The following PGCKA1 variants were observed in gnomAD, a reference collection of about 807,000 sequenced individuals.
PGCKA1 encodes PDCD10 and GCKIII kinases associated 1.
At chr4:37,573,505 C>A in the PGCKA1 span, among the ~76,000 whole-genome samples, 23 of 152,222 alleles carry the variant, frequency 1.5e-4, no homozygotes, top group South Asian at 4.6e-3. Context: ...CCACTGTTAA[C>A]CCTTCTCTCT....
chr4:37,544,435 C>T, the PGCKA1 span, among the ~76,000 whole-genome samples: 5 of 151,604 alleles, frequency 3.3e-5, no homozygotes, highest in East Asian at 9.7e-4. Flanking sequence ...AATTCCTTCC[C>T]TTCTTTTGTT....
the PGCKA1 span, among the ~76,000 whole-genome samples, chr4:37,547,753 G>A: frequency 6.6e-6 from 1 of 152,140 alleles, no homozygotes; most frequent in Non-Finnish European, 1.5e-5. Flanking sequence ...GCAGAGGCAA[G>A]GAAAGACCAG....
At chr4:37,503,252 AG>A in the PGCKA1 span, among the ~76,000 whole-genome samples, 1 of 152,170 alleles carries the variant, frequency 6.6e-6, no homozygotes, top group African/African-American at 2.4e-5. Flanking sequence ...ATTGGAAGCC[AG>A]GAAGGAGTCA....
At chr4:37,496,019 C>T in the PGCKA1 span, among the ~76,000 whole-genome samples, 2 of 151,818 alleles carry the variant, frequency 1.3e-5, no homozygotes, top group African/African-American at 2.4e-5. Context: ...TTTTTTTTAC[C>T]TGGTGTTCTA....
At chr4:37,549,802 G>A in the PGCKA1 span, among the ~76,000 whole-genome samples, 1 of 151,736 alleles carries the variant, frequency 6.6e-6, no homozygotes, top group African/African-American at 2.4e-5. Context: ...TACATGGATG[G>A]GAGCAGCTTC....
At chr4:37,461,522 G>A in the PGCKA1 span, among the ~76,000 whole-genome samples, 1 of 151,942 alleles carries the variant, frequency 6.6e-6, no homozygotes, top group African/African-American at 2.4e-5. Flanking sequence ...TCTTCTTGAA[G>A]AGGTCCTTTA....
the PGCKA1 span, among the ~76,000 whole-genome samples, chr4:37,507,936 A>AT: frequency 6.6e-6 from 1 of 152,054 alleles, no homozygotes; most frequent in African/African-American, 2.4e-5. Context: ...TTTGAAGGAT[A>AT]TTTTTGCTGG....
At chr4:37,563,095 G>C in the PGCKA1 span, among the ~76,000 whole-genome samples, 1 of 151,984 alleles carries the variant, frequency 6.6e-6, no homozygotes, top group African/African-American at 2.4e-5. Context: ...CTTGTCTTCC[G>C]ACCAGTTCTT....
chr4:37,486,866 C>T, the PGCKA1 span, among the ~76,000 whole-genome samples: 1 of 152,162 alleles, frequency 6.6e-6, no homozygotes, highest in African/African-American at 2.4e-5. Context: ...CTGTCACAGA[C>T]ATTATCTTCA....
the PGCKA1 span, among the ~76,000 whole-genome samples, chr4:37,576,353 A>C: frequency 6.6e-6 from 1 of 151,922 alleles, no homozygotes; most frequent in Admixed American, 6.5e-5. Flanking sequence ...TAGAAATGTG[A>C]TTTTTTTCTT....
At chr4:37,559,534 T>G in the PGCKA1 span, among the ~76,000 whole-genome samples, 2 of 151,744 alleles carry the variant, frequency 1.3e-5, no homozygotes, top group African/African-American at 4.8e-5. Flanking sequence ...GCATGGCACA[T>G]GTATACATAT....
At chr4:37,464,847 C>T in the PGCKA1 span, among the ~76,000 whole-genome samples, 1 of 152,056 alleles carries the variant, frequency 6.6e-6, no homozygotes, top group Non-Finnish European at 1.5e-5. Context: ...TAATCAATTC[C>T]ATGTTTGTAT....
the PGCKA1 span, among the ~76,000 whole-genome samples, chr4:37,573,872 A>T: frequency 2.6e-5 from 4 of 152,158 alleles, no homozygotes. Context: ...TACATCCTAC[A>T]CTGACATCAA....
the PGCKA1 span, among the ~76,000 whole-genome samples, chr4:37,552,886 C>G: frequency 6.6e-6 from 1 of 152,206 alleles, no homozygotes; most frequent in Non-Finnish European, 1.5e-5. Flanking sequence ...GTAACCTGGC[C>G]ATATAGGCCA....
At chr4:37,475,235 C>G in the PGCKA1 span, among the ~76,000 whole-genome samples, 1 of 152,126 alleles carries the variant, frequency 6.6e-6, no homozygotes, top group South Asian at 2.1e-4. Flanking sequence ...AGAAATCATC[C>G]TTCTAACATT....
the PGCKA1 span, among the ~76,000 whole-genome samples, chr4:37,488,054 G>A: frequency 5.9e-3 from 896 of 152,224 alleles, 5 homozygotes; most frequent in Middle Eastern, 0.01. Flanking sequence ...AAATATCTAG[G>A]AGTGGAAAAT....
chr4:37,568,471 C>T, the PGCKA1 span, among the ~76,000 whole-genome samples: 1 of 152,190 alleles, frequency 6.6e-6, no homozygotes. Flanking sequence ...GAGCCTCGTC[C>T]CTCTCAGGGA....
chr4:37,550,549 A>G, the PGCKA1 span, among the ~76,000 whole-genome samples: 23 of 152,222 alleles, frequency 1.5e-4, no homozygotes, highest in Non-Finnish European at 3.2e-4. Context: ...AACCCCTCAC[A>G]CCCAAAATGA....
chr4:37,546,871 G>T, the PGCKA1 span, among the ~76,000 whole-genome samples: 4,061 of 152,364 alleles, frequency 0.027, 200 homozygotes, highest in African/African-American at 0.092. Flanking sequence ...CCCTGCAGTG[G>T]CTGAGCACCA....
Sources: gnomAD v4.1 joint callset for allele counts (sites outside exome capture counted in the v4.1 genomes callset) on GRCh38, gnomAD v4.1.1 for gene constraint, MANE v1.5 for transcripts, NCBI Gene and HGNC (gene_info 2026-07-23, HGNC 2026-07-21) for gene names.